The following PTPRD variants were observed in gnomAD, a reference collection of about 807,000 sequenced individuals.
PTPRD encodes the protein receptor-type tyrosine-protein phosphatase delta.
A neutral mutation model predicts 214.5 loss-of-function variants in PTPRD; 34 were observed. That is an observed-to-expected ratio of 0.16 (90% CI 0.12 to 0.21). The LOEUF (loss-of-function observed/expected upper bound fraction) is 0.21, where lower values mean the gene tolerates loss of function less well. PTPRD is among the 10% of genes least tolerant of loss of function. PTPRD has a pLI of 1.00. For synonymous variants in PTPRD, 1,128 were observed against 845.7 expected, an observed-to-expected ratio of 1.33 and a Z score of -5.79; for missense variants, 2,545 against 2,398.7, an observed-to-expected ratio of 1.06 and a Z score of -1.27.
intron 8 of PTPRD, among the ~76,000 whole-genome samples, chr9:9,471,067 G>A (rs1319486949): frequency 6.6e-6 from 1 of 152,124 alleles, no homozygotes; most frequent in Non-Finnish European, 1.5e-5. Flanking sequence ...TAACAGAACT[G>A]ATAAATCTGT....
At position 9,710,344 on chromosome 9, in the gene PTPRD, A is replaced by G. The variant is rs185499725; in HGVS notation, c.-287+24189T>C. On this transcript the variant is annotated intron_variant, in intron 7 of 45. Transcript: ENST00000381196. ...TAAAATTTAGTCTTAACTTCTTTCC[A>G]CATATCAAGAGGTACTTGTACTTAC... Among the ~76,000 whole-genome samples the G allele has an allele frequency of 3.8e-3, 572 of 152,252 alleles. 3 individuals carry two copies. The highest frequency in any genetic ancestry group is 0.013 in the African/African-American group (553 of 41,562).
chr9:8,679,536 G>C (rs962377590), intron 12 of PTPRD, among the ~76,000 whole-genome samples: 4 of 152,180 alleles, frequency 2.6e-5, no homozygotes, highest in African/African-American at 9.7e-5. Context: ...AGCATAGAAC[G>C]CCTTCAACTC....
At chr9:9,811,979 C>T (rs1396271217) in intron 5 of PTPRD, among the ~76,000 whole-genome samples, 2 of 152,092 alleles carry the variant, frequency 1.3e-5, no homozygotes, top group African/African-American at 2.4e-5. Context: ...AAAAATGCAC[C>T]AGCTACTTCC....
intron 44 of PTPRD, among the ~76,000 whole-genome samples, chr9:8,330,049 C>T (rs576235023): frequency 1.1e-4 from 16 of 152,224 alleles, no homozygotes; most frequent in East Asian, 5.8e-4. Context: ...GTGAAGACTG[C>T]GGGAGAAGTG....
Position 9,302,617 on chromosome 9 carries a change from T to G in PTPRD, c.-203+94832A>C, listed in dbSNP as rs561113531. Among the ~76,000 whole-genome samples the G allele has an allele frequency of 3.6e-3, 527 of 147,000 alleles. 7 individuals carry two copies. Among genetic ancestry groups the G allele is most frequent in the African/African-American group, 0.013 (502 of 39,958 alleles). ...TTTTTTTTTCTTTTTTTTTTTTTTTTGTCTTTCCTGGTGTTCTGTCCTTTG... is the reference window on the plus strand; with the variant it reads ...TTTTTTTTTCTTTTTTTTTTTTTTTGGTCTTTCCTGGTGTTCTGTCCTTTG... On this transcript the variant is annotated intron_variant, in intron 9 of 45. Coordinates refer to ENST00000381196, the MANE Select transcript of PTPRD (RefSeq NM_002839.4).
chr9:9,887,969 T>C (rs1600991841), intron 5 of PTPRD, among the ~76,000 whole-genome samples: 1 of 151,806 alleles, frequency 6.6e-6, no homozygotes, highest in Non-Finnish European at 1.5e-5. Flanking sequence ...ATTCAGAAAA[T>C]GGTAAATGCC....
At chr9:8,521,990 T>C (rs1163430929) in intron 19 of PTPRD, among the ~76,000 whole-genome samples, 5 of 152,214 alleles carry the variant, frequency 3.3e-5, no homozygotes, top group Non-Finnish European at 7.3e-5. Flanking sequence ...GCACTTCCAG[T>C]TGATGTGAAT....
At chr9:9,855,828 G>A (rs915594029) in intron 5 of PTPRD, among the ~76,000 whole-genome samples, 5 of 152,182 alleles carry the variant, frequency 3.3e-5, no homozygotes, top group Admixed American at 2.0e-4. Context: ...GGCATGTTAG[G>A]GCTTTTTAGC....
At chr9:9,462,167 C>T (rs1462682144) in intron 8 of PTPRD, among the ~76,000 whole-genome samples, 1 of 152,058 alleles carries the variant, frequency 6.6e-6, no homozygotes, top group Non-Finnish European at 1.5e-5. Flanking sequence ...AGTGAGTAGA[C>T]TTTCAATATC....
intron 2 of PTPRD, among the ~76,000 whole-genome samples, chr9:10,475,282 A>G (rs2131879569): frequency 1.3e-5 from 2 of 152,184 alleles, no homozygotes; most frequent in South Asian, 2.1e-4. Flanking sequence ...AAATAGACAC[A>G]ATAAAAAATG....
intron 37 of PTPRD, 93 bp from the exon 38 acceptor site, chr9:8,376,819 T>A: frequency 6.6e-7 from 1 of 1,514,198 alleles, no homozygotes; most frequent in South Asian, 1.2e-5. Flanking sequence ...ACAGCTTTTC[T>A]GCACTTCATT....
At chr9:10,126,946 CTTTT>C (rs34691762) in intron 3 of PTPRD, among the ~76,000 whole-genome samples, 2 of 130,596 alleles carry the variant, frequency 1.5e-5, no homozygotes, top group African/African-American at 3.2e-5. Flanking sequence ...CTCAAATGGA[CTTTT>C]TTTTTTTTTT....
At chr9:10,511,937 T>TAC in intron 2 of PTPRD, among the ~76,000 whole-genome samples, 1 of 69,246 alleles carries the variant, frequency 1.4e-5, no homozygotes, top group Non-Finnish European at 3.1e-5. Context: ...TATACGTGTA[T>TAC]ATATATATAC....
At chr9:9,814,434 A>G (rs1279137080) in intron 5 of PTPRD, among the ~76,000 whole-genome samples, 1 of 152,200 alleles carries the variant, frequency 6.6e-6, no homozygotes, top group Non-Finnish European at 1.5e-5. Context: ...TGATTTCAGT[A>G]AAGTTTTGTG....
chr9:10,115,937 A>T (rs184378376), intron 3 of PTPRD, among the ~76,000 whole-genome samples: 251 of 152,238 alleles, frequency 1.6e-3, no homozygotes, highest in Middle Eastern at 6.8e-3. Context: ...GAATCTGAAT[A>T]ACTGGTTGTT....
At chr9:10,346,904 C>G (rs982010730) in intron 2 of PTPRD, among the ~76,000 whole-genome samples, 2 of 152,068 alleles carry the variant, frequency 1.3e-5, no homozygotes, top group Non-Finnish European at 2.9e-5. Flanking sequence ...GTCTAATTAT[C>G]AATTTGTTAG....
intron 7 of PTPRD, among the ~76,000 whole-genome samples, chr9:9,616,190 T>G (rs1485311695): frequency 6.6e-6 from 1 of 152,158 alleles, no homozygotes. Context: ...GAGGTCTCGT[T>G]ACATTTAAAT....
chr9:10,487,998 CT>C, intron 2 of PTPRD, among the ~76,000 whole-genome samples: 1 of 150,490 alleles, frequency 6.6e-6, no homozygotes, highest in African/African-American at 2.4e-5. Flanking sequence ...CTCTCTCTCT[CT>C]CTCTCTCTGT....
intron 6 of PTPRD, among the ~76,000 whole-genome samples, chr9:9,765,707 C>A (rs112195225): frequency 6.6e-6 from 1 of 152,240 alleles, no homozygotes; most frequent in Admixed American, 6.5e-5. Context: ...GTCGCCCAGG[C>A]TGGAGTGCAG....
Sources: allele counts gnomAD v4.1 joint callset (sites outside exome capture counted in the v4.1 genomes callset), GRCh38; gene constraint gnomAD v4.1.1; transcripts MANE v1.5; gene names NCBI Gene and HGNC (gene_info 2026-07-23, HGNC 2026-07-21).